CDKN3: variants seen among roughly 807,000 people sequenced by gnomAD.
CDKN3 encodes cyclin-dependent kinase inhibitor 3.
In CDKN3, 19 loss-of-function variants were observed where a neutral mutation model predicts 36.1. The observed-to-expected ratio is 0.53, with a 90% confidence interval of 0.37 to 0.77. CDKN3 has a LOEUF of 0.77. Among genes scored for constraint, CDKN3 ranks in the 30% least tolerant of loss-of-function variants. CDKN3 has a pLI of 0.00. For synonymous variants in CDKN3, 71 were observed against 85.3 expected (o/e 0.83, Z 0.92); for missense variants, 188 against 248.6 (o/e 0.76, Z 1.64).
intron 2 of CDKN3, among the ~76,000 whole-genome samples, 197 bp from the exon 3 acceptor site, chr14:54,401,327 G>A (rs1224024265): frequency 6.6e-6 from 1 of 151,982 alleles, no homozygotes; most frequent in East Asian, 1.9e-4. Flanking sequence ...ATAAGTCCCT[G>A]TTTTAAAACT....
At position 54,413,503 on chromosome 14, in the gene CDKN3, G is replaced by A. The variant is rs1043668816; in HGVS notation, c.416+1797G>A. ...CCAAATGCTCTGATGTTTGTGCAGA[G>A]TACAAACAGGATAGACAGTAGATGG... On this transcript the variant is annotated intron_variant, in intron 5 of 7. Transcript: ENST00000335183. 1.6e-5 allele frequency: 13 copies of A among 836,764 alleles called. No homozygotes were observed. In the African/African-American group the frequency reaches 1.7e-4, roughly 11 times the overall value. The allele number at this position is 836,764 out of a possible 1,614,324, so 51.8% of individuals were successfully genotyped here.
chr14:54,403,921 C>T (rs1331789479), intron 3 of CDKN3, among the ~76,000 whole-genome samples: 1 of 152,158 alleles, frequency 6.6e-6, no homozygotes, highest in Non-Finnish European at 1.5e-5. Context: ...TTTTAATGTG[C>T]TGCTGGATTC....
intron 3 of CDKN3, among the ~76,000 whole-genome samples, chr14:54,406,419 T>C (rs1594602523): frequency 6.6e-6 from 1 of 152,206 alleles, no homozygotes; most frequent in African/African-American, 2.4e-5. Flanking sequence ...TCCTGGATAA[T>C]ATCCTGAAGT....
At chr14:54,406,656 A>G (rs1206229402) in intron 3 of CDKN3, among the ~76,000 whole-genome samples, 3 of 151,896 alleles carry the variant, frequency 2.0e-5, no homozygotes, top group Non-Finnish European at 2.9e-5. Flanking sequence ...TGTATGCATC[A>G]CGAAGTTCTC....
At position 54,411,591 on chromosome 14, in the gene CDKN3, A is replaced by T. The variant is rs1370163224; in HGVS notation, c.301A>T (p.Ile101Phe). ...TCTGGATCTCTACCAGCAATGTGGA[A>T]TTATCACCCATCATCATCCAATCGC... ...NLLDLYQQCG[I>F]ITHHHPIADG... The change falls in exon 5 of 8, where the codon ATT becomes TTT. Residue 101 changes from isoleucine to phenylalanine, a missense_variant. By Grantham distance (21) the Ile-to-Phe change is conservative. Transcript: ENST00000335183. The T allele has an allele frequency of 6.2e-7, 1 of 1,614,072 alleles. No individual in the cohort carries two copies. Among genetic ancestry groups the T allele is most frequent in the East Asian group, 2.2e-5 (1 of 44,870 alleles).
In CDKN3 at chr14:54,410,265, C is replaced by T. The variant is rs376644950; in HGVS notation, c.194-1219C>T. 1.6e-4 allele frequency among the ~76,000 whole-genome samples: 25 copies of T among 152,244 alleles called. No homozygotes were observed. The East Asian group carries it at 3.5e-3, about 21-fold the overall frequency. Reference sequence around the variant, plus strand: ...CAGTTCCTGAGATACTTTCTTAGCCCTTTCTCAGAAAGTTGGAAAATCACT... The same window carrying T: ...CAGTTCCTGAGATACTTTCTTAGCCTTTTCTCAGAAAGTTGGAAAATCACT... On this transcript the variant is annotated intron_variant, in intron 4 of 7. Coordinates refer to ENST00000335183, the MANE Select transcript of CDKN3 (RefSeq NM_005192.4).
intron 6 of CDKN3, among the ~76,000 whole-genome samples, chr14:54,416,229 C>T (rs1449227212): frequency 1.3e-5 from 2 of 152,088 alleles, no homozygotes; most frequent in Non-Finnish European, 2.9e-5. Context: ...AATAGAGTAA[C>T]TTCCAAATAG....
chr14:54,399,234 C>T (rs1322904749), intron 1 of CDKN3, among the ~76,000 whole-genome samples: 1 of 152,156 alleles, frequency 6.6e-6, no homozygotes, highest in Non-Finnish European at 1.5e-5. Context: ...ACCTGCCCAA[C>T]TTCGCCTCCC....
chr14:54,405,740 C>T (rs1003594516), intron 3 of CDKN3, among the ~76,000 whole-genome samples: 16 of 152,074 alleles, frequency 1.1e-4, no homozygotes, highest in African/African-American at 3.4e-4. Flanking sequence ...TGTCTCTGCA[C>T]GTGAGATGGG....
intron 4 of CDKN3, 113 bp downstream of exon 4, chr14:54,408,902 A>T: frequency 7.4e-7 from 1 of 1,359,354 alleles, no homozygotes; most frequent in Non-Finnish European, 9.6e-7. Context: ...ATAAGTTTTC[A>T]ATATTGTGTG....
chr14:54,411,176 CAAAAAAAAAAA>C (rs376186329), intron 4 of CDKN3: 1 of 120,120 alleles, frequency 8.3e-6, no homozygotes, highest in Non-Finnish European at 1.5e-5. Context: ...GACTCCATCT[CAAAAAAAAAAA>C]AAAAAAAAAA....
chr14:54,415,727 AT>A (rs1388057039), intron 5 of CDKN3, among the ~76,000 whole-genome samples, 171 bp from the exon 6 acceptor site: 1 of 152,214 alleles, frequency 6.6e-6, no homozygotes, highest in African/African-American at 2.4e-5. Flanking sequence ...CAACAAAGAA[AT>A]AAGCACACCT....
chr14:54,411,950 T>G, intron 5 of CDKN3: 3 of 565,266 alleles, frequency 5.3e-6, no homozygotes, highest in Non-Finnish European at 9.4e-6. Flanking sequence ...AGAACAAGGT[T>G]ACAAGCTTTT....
chr14:54,400,820 C>T (rs905895486), intron 2 of CDKN3, among the ~76,000 whole-genome samples: 1 of 152,164 alleles, frequency 6.6e-6, no homozygotes, highest in East Asian at 1.9e-4. Flanking sequence ...GACATGCAGA[C>T]AAGGTGAGCC....
intron 3 of CDKN3, among the ~76,000 whole-genome samples, chr14:54,404,722 C>G (rs990008727): frequency 1.3e-5 from 2 of 152,026 alleles, no homozygotes; most frequent in East Asian, 1.9e-4. Context: ...CTACAGGCAC[C>G]CACCACCACA....
intron 5 of CDKN3, among the ~76,000 whole-genome samples, chr14:54,414,668 C>G (rs958558039): frequency 1.3e-5 from 2 of 150,802 alleles, no homozygotes; most frequent in African/African-American, 4.9e-5. Flanking sequence ...ACCTCAGGCT[C>G]CCGAGTAGCT....
chr14:54,420,168 C>T lies in CDKN3; in HGVS notation c.*90C>T. On this transcript the variant is annotated 3_prime_UTR_variant, in exon 8 of 8. Coordinates refer to ENST00000335183, the MANE Select transcript of CDKN3 (RefSeq NM_005192.4). ...GAAATGAAACCACCAGTGTTATCAA[C>T]TTGAATGTAAATGTACATGTGCAGA... 1 of 702,300 alleles carries T rather than the reference C, an allele frequency of 1.4e-6. No homozygotes were observed. Among genetic ancestry groups the T allele is most frequent in the Non-Finnish European group, 2.4e-6 (1 of 410,318 alleles). 43.5% of individuals were successfully genotyped at this position (702,300 alleles called of 1,614,324 possible). A position where few individuals can be genotyped will look rare whatever the true frequency, so the allele number is the denominator to read the frequency against.
At chr14:54,401,624 T>G (rs1238076784) in intron 3 of CDKN3, 45 bp downstream of exon 3, 2 of 1,280,232 alleles carry the variant, frequency 1.6e-6, no homozygotes, top group South Asian at 2.9e-5. Flanking sequence ...GTATATATTT[T>G]TTAATATATT....
At chr14:54,415,477 G>A (rs1413971138) in intron 5 of CDKN3, among the ~76,000 whole-genome samples, 1 of 152,210 alleles carries the variant, frequency 6.6e-6, no homozygotes, top group Non-Finnish European at 1.5e-5. Context: ...TCCAGACTTC[G>A]GTGATACCCT....
Sources: gnomAD v4.1 joint callset for allele counts (sites outside exome capture counted in the v4.1 genomes callset) on GRCh38, gnomAD v4.1.1 for gene constraint, MANE v1.5 for transcripts, NCBI Gene and HGNC (gene_info 2026-07-23, HGNC 2026-07-21) for gene names.